Variants in TRPM3 observed in about 807,000 individuals in gnomAD.
TRPM3 encodes the protein long transient receptor potential channel 3.
In TRPM3, 77 loss-of-function variants were observed where a neutral mutation model predicts 181.2. The observed-to-expected ratio is 0.42, with a 90% CI of 0.35 to 0.51. TRPM3 has a LOEUF of 0.51. Ranked by LOEUF, TRPM3 falls within the 20% of genes least tolerant of loss-of-function variation. TRPM3 has a pLI of 0.01. For synonymous variants in TRPM3, 745 were observed against 796.4 expected (o/e 0.94, Z 1.09); for missense variants, 1,759 against 2,196.7 (o/e 0.80, Z 3.98).
At position 70,639,803 on chromosome 9, in the gene TRPM3, ACT is replaced by A. The variant is rs145442181; in HGVS notation, c.1447-611_1447-610del. 2.0e-5 allele frequency among the ~76,000 whole-genome samples: 3 copies of A among 152,268 alleles called. No individual in the cohort carries two copies. The East Asian group carries it at 5.8e-4, about 29-fold the overall frequency. The stretch of plus-strand genomic sequence containing the variant: ...TTCACAAAAATGTTGCAGGGTCTAG[ACT>A]CTGACAAATCTTTCCATGTTAGCAA... On this transcript the variant is annotated intron_variant, in intron 10 of 25. Coordinates refer to ENST00000677713, the MANE Select transcript of TRPM3 (RefSeq NM_001366145.2).
chr9:71,137,002 A>T (rs977837347), intron 1 of TRPM3, among the ~76,000 whole-genome samples: 1 of 152,216 alleles, frequency 6.6e-6, no homozygotes, highest in Non-Finnish European at 1.5e-5. Context: ...ATTGCATTTT[A>T]AAATGACTCT....
chr9:70,570,302 G>GTTTTTTTTTTTTT, intron 22 of TRPM3, among the ~76,000 whole-genome samples: 1 of 68,376 alleles, frequency 1.5e-5, no homozygotes, highest in Non-Finnish European at 2.5e-5. Context: ...TATTACTAGA[G>GTTTTTTTTTTTTT]TTTTTTTTTT....
At chr9:71,121,693 T>C (rs1024432324), upstream of TRPM3, 3 of 1,047,842 alleles carry the variant, frequency 2.9e-6, no homozygotes, top group African/African-American at 3.3e-5. Context: ...GGCCATTGCT[T>C]TGCTAGCTTG....
At chr9:71,437,891 C>T (rs1040874220) in intron 1 of TRPM3, among the ~76,000 whole-genome samples, 3 of 149,986 alleles carry the variant, frequency 2.0e-5, no homozygotes, top group Non-Finnish European at 1.5e-5. Flanking sequence ...GAAAAAAAAA[C>T]CCTAAAACAT....
intron 1 of TRPM3, among the ~76,000 whole-genome samples, chr9:71,196,406 A>G (rs1238610623): frequency 2.6e-5 from 4 of 151,786 alleles, no homozygotes; most frequent in Non-Finnish European, 5.9e-5. Context: ...CCTTCATCCC[A>G]TTTTTTAAAT....
chr9:70,868,896 C>T, intron 1 of TRPM3: 2 of 731,672 alleles, frequency 2.7e-6, no homozygotes, highest in Non-Finnish European at 3.3e-6. Context: ...CTCCAAGCCT[C>T]CCTCGGTGTT....
chr9:71,241,733 T>C (rs1270074370), intron 1 of TRPM3, among the ~76,000 whole-genome samples: 1 of 152,212 alleles, frequency 6.6e-6, no homozygotes, highest in Non-Finnish European at 1.5e-5. Context: ...TAATGCTTCA[T>C]AAGCTTACTA....
intron 1 of TRPM3, among the ~76,000 whole-genome samples, chr9:71,388,645 A>G (rs2092986592): frequency 6.6e-6 from 1 of 152,188 alleles, no homozygotes; most frequent in Non-Finnish European, 1.5e-5. Context: ...ATTCGGGCCT[A>G]CAGACACATT....
At chr9:71,333,685 C>G (rs2090369469) in intron 1 of TRPM3, among the ~76,000 whole-genome samples, 1 of 151,878 alleles carries the variant, frequency 6.6e-6, no homozygotes, top group African/African-American at 2.4e-5. Flanking sequence ...TACAAGATAA[C>G]TTGAGGGCAG....
intron 8 of TRPM3, among the ~76,000 whole-genome samples, chr9:70,686,189 T>C (rs181283384): frequency 4.6e-5 from 7 of 152,078 alleles, no homozygotes; most frequent in Admixed American, 4.6e-4. Flanking sequence ...TATGTACATA[T>C]ACATATATAC....
chr9:71,362,037 C>T (rs1047479913), intron 1 of TRPM3, among the ~76,000 whole-genome samples: 2 of 152,142 alleles, frequency 1.3e-5, no homozygotes, highest in Non-Finnish European at 2.9e-5. Context: ...TTTAAAATCA[C>T]ATACTACTTA....
At position 70,536,530 on chromosome 9, in the gene TRPM3, G is replaced by A. The variant is rs779062696; in HGVS notation, c.4583C>T (p.Pro1528Leu). The change falls in exon 26 of 26, where the codon CCC becomes CTC. Residue 1528 changes from proline (P) to leucine (L), a missense_variant. Pro to Leu is a moderately conservative substitution (Grantham distance 98). This residue lies in a region of TRPM3 where 612 missense variants were observed against 590.0 expected (regional missense o/e 1.04). Transcript: ENST00000677713. The part of the protein sequence containing the change: ...ATTPFLLEEA[P>L]IVKSHSFMFS... ...CATAAAGCTATGAGATTTCACAATG[G>A]GAGCCTCTTCTAGAAGAAAGGGTGT... The A allele has an allele frequency of 6.2e-7, 1 of 1,614,138 alleles. No homozygotes were observed. Among genetic ancestry groups the A allele is most frequent in the South Asian group, 1.1e-5 (1 of 91,088 alleles).
chr9:71,109,521 G>A (rs1282225952), intron 1 of TRPM3, among the ~76,000 whole-genome samples: 1 of 151,998 alleles, frequency 6.6e-6, no homozygotes, highest in East Asian at 1.9e-4. Context: ...ATTAATTTAT[G>A]AATAATACAA....
At chr9:70,936,464 A>T (rs528573024) in intron 1 of TRPM3, among the ~76,000 whole-genome samples, 17 of 152,212 alleles carry the variant, frequency 1.1e-4, no homozygotes, top group African/African-American at 3.9e-4. Context: ...TTGGAATAAG[A>T]TAAAAAATTC....
chr9:71,296,274 A>T (rs1305463376), intron 1 of TRPM3, among the ~76,000 whole-genome samples: 1 of 152,190 alleles, frequency 6.6e-6, no homozygotes, highest in East Asian at 1.9e-4. Context: ...GAATGATATT[A>T]ACAAGGTCCC....
chr9:71,096,590 A>ACACACACACACACTCTCTCTCTCTCTCT (rs1452142664), intron 1 of TRPM3, among the ~76,000 whole-genome samples: 1 of 89,998 alleles, frequency 1.1e-5, no homozygotes, highest in Admixed American at 1.4e-4. Flanking sequence ...ACACACACAC[A>ACACACACACACACTCTCTCTCTCTCTCT]CTCTCTCTCT....
At chr9:71,160,499 C>T (rs186360457) in intron 1 of TRPM3, among the ~76,000 whole-genome samples, 112 of 152,228 alleles carry the variant, frequency 7.4e-4, no homozygotes, top group South Asian at 3.5e-3. Flanking sequence ...AACACCTCTG[C>T]CCCAACTCCA....
chr9:70,895,141 G>C (rs2096264457), intron 1 of TRPM3, among the ~76,000 whole-genome samples: 1 of 152,188 alleles, frequency 6.6e-6, no homozygotes, highest in East Asian at 1.9e-4. Flanking sequence ...TGACGATTCT[G>C]TATGCCAGTC....
At chr9:71,331,868 G>GAAGAAA (rs2090189161) in intron 1 of TRPM3, among the ~76,000 whole-genome samples, 1 of 3,522 alleles carries the variant, frequency 2.8e-4, no homozygotes, top group Non-Finnish European at 6.7e-4. Context: ...GACGGAGGAG[G>GAAGAAA]AGGAAGAAAG....
Sources: allele counts gnomAD v4.1 joint callset (sites outside exome capture counted in the v4.1 genomes callset), GRCh38; gene constraint gnomAD v4.1.1; regional missense constraint gnomAD v4.1.1; transcripts MANE v1.5; gene names NCBI Gene and HGNC (gene_info 2026-07-23, HGNC 2026-07-21).